The following SCAPER variants were observed in gnomAD, a reference collection of about 807,000 sequenced individuals.
The protein encoded by SCAPER is S-phase cyclin A associated protein in the ER.
In SCAPER, 98 loss-of-function variants were observed where a neutral mutation model predicts 182.2. That is an observed-to-expected ratio of 0.54 (90% confidence interval 0.46 to 0.64). The LOEUF (loss-of-function observed/expected upper bound fraction) is 0.64, where lower values mean the gene tolerates loss of function less well. Ranked by LOEUF, SCAPER falls within the 30% of genes least tolerant of loss-of-function variation. The probability of loss-of-function intolerance (pLI) is 0.00; values close to 1 mark genes in which losing one functional copy is unlikely to be tolerated. For synonymous variants in SCAPER, 605 were observed against 564.6 expected, an observed-to-expected ratio of 1.07 and a Z score of -1.01; for missense variants, 1,432 against 1,690.0, an observed-to-expected ratio of 0.85 and a Z score of 2.68.
intron 23 of SCAPER, among the ~76,000 whole-genome samples, chr15:76,537,789 A>G (rs1307001390): frequency 4.6e-5 from 7 of 152,112 alleles, no homozygotes; most frequent in Non-Finnish European, 8.8e-5. Context: ...GCAACCTACA[A>G]AATGGGAGAA....
chr15:76,740,976 A>C (rs2151109936), intron 15 of SCAPER, among the ~76,000 whole-genome samples: 1 of 152,280 alleles, frequency 6.6e-6, no homozygotes, highest in Non-Finnish European at 1.5e-5. Flanking sequence ...AATTAAAATG[A>C]AATTGAATAA....
In SCAPER at chr15:76,364,044, G is replaced by A. The variant is rs1286072190; in HGVS notation, c.3856-9904C>T. ...ACCTTGCTTAATCTGATACCTTGGG[G>A]TTAGGGTAGGGAGGGTACAGAAGTG... On this transcript the variant is annotated intron_variant, in intron 29 of 31. Transcript: ENST00000563290. Among the ~76,000 whole-genome samples, 13 of 152,182 alleles carry A rather than the reference G, an allele frequency of 8.5e-5. 1 individual carries two copies. The highest frequency in any genetic ancestry group is 8.5e-4 in the Admixed American group (13 of 15,274).
At chr15:76,711,177 A>G (rs2059542304) in intron 17 of SCAPER, among the ~76,000 whole-genome samples, 1 of 152,206 alleles carries the variant, frequency 6.6e-6, no homozygotes, top group South Asian at 2.1e-4. Context: ...ACCATTGTAT[A>G]TAAAATGAAA....
chr15:76,566,253 A>G (rs1325923159), intron 23 of SCAPER, among the ~76,000 whole-genome samples: 1 of 152,154 alleles, frequency 6.6e-6, no homozygotes, highest in Non-Finnish European at 1.5e-5. Flanking sequence ...GGAATTTTAC[A>G]AGATAAGTTT....
chr15:76,357,459 CAG>C (rs1434299384), intron 29 of SCAPER, among the ~76,000 whole-genome samples: 1 of 152,118 alleles, frequency 6.6e-6, no homozygotes, highest in Non-Finnish European at 1.5e-5. Context: ...CAAAGAATAA[CAG>C]ATGTTGGCGA....
chr15:76,464,824 A>G (rs1276763725), intron 25 of SCAPER, among the ~76,000 whole-genome samples: 1 of 152,152 alleles, frequency 6.6e-6, no homozygotes, highest in African/African-American at 2.4e-5. Context: ...AGGAACTTCC[A>G]TACTTTTTTC....
chr15:76,791,777 A>G (rs2065021055), intron 8 of SCAPER, among the ~76,000 whole-genome samples: 1 of 152,088 alleles, frequency 6.6e-6, no homozygotes, highest in African/African-American at 2.4e-5. Flanking sequence ...AAAAATTTTA[A>G]ATTCAGGAAT....
chr15:76,647,937 C>T (rs2054678836), intron 21 of SCAPER, among the ~76,000 whole-genome samples: 1 of 151,992 alleles, frequency 6.6e-6, no homozygotes, highest in Admixed American at 6.6e-5. Flanking sequence ...GAGACAAAAG[C>T]AAACGTACAA....
At chr15:76,445,591 T>C (rs1244515196) in intron 25 of SCAPER, among the ~76,000 whole-genome samples, 2 of 152,094 alleles carry the variant, frequency 1.3e-5, no homozygotes, top group Non-Finnish European at 2.9e-5. Context: ...GGAGATGGCA[T>C]GTTACTGATA....
At chr15:76,542,818 G>C (rs1050615303) in intron 23 of SCAPER, among the ~76,000 whole-genome samples, 1 of 151,958 alleles carries the variant, frequency 6.6e-6, no homozygotes, top group Non-Finnish European at 1.5e-5. Context: ...CCTTTGTACG[G>C]TGCCAAGTAT....
intron 21 of SCAPER, among the ~76,000 whole-genome samples, chr15:76,639,142 A>G (rs553075409): frequency 6.6e-6 from 1 of 152,200 alleles, no homozygotes; most frequent in Non-Finnish European, 1.5e-5. Flanking sequence ...ACATACTGAA[A>G]TTTCACTTTT....
At chr15:76,383,562 G>A (rs1026609225) in intron 27 of SCAPER, among the ~76,000 whole-genome samples, 24 of 152,236 alleles carry the variant, frequency 1.6e-4, no homozygotes, top group African/African-American at 5.5e-4. Flanking sequence ...GATCTGCCAA[G>A]TACATTCATA....
At chr15:76,857,175 A>G (rs1166530346) in intron 4 of SCAPER, among the ~76,000 whole-genome samples, 3 of 152,122 alleles carry the variant, frequency 2.0e-5, no homozygotes, top group African/African-American at 7.2e-5. Flanking sequence ...GTTCATGCCT[A>G]TAACCCCAGC....
chr15:76,668,181 T>C (rs1246523760), intron 20 of SCAPER, among the ~76,000 whole-genome samples: 6 of 152,186 alleles, frequency 3.9e-5, no homozygotes, highest in Non-Finnish European at 8.8e-5. Flanking sequence ...TCTCTTTTCA[T>C]ATATATCCCC....
intron 25 of SCAPER, among the ~76,000 whole-genome samples, chr15:76,450,834 A>G (rs999781811): frequency 6.6e-6 from 1 of 152,224 alleles, no homozygotes; most frequent in Non-Finnish European, 1.5e-5. Flanking sequence ...GATTACATGC[A>G]TGAGCCACTG....
chr15:76,745,543 C>A (rs1429907137), intron 15 of SCAPER, among the ~76,000 whole-genome samples: 4 of 152,072 alleles, frequency 2.6e-5, no homozygotes, highest in African/African-American at 9.7e-5. Flanking sequence ...AACAAACCTG[C>A]ACATGTACCC....
chr15:76,654,343 G>C (rs1443626292), intron 21 of SCAPER, among the ~76,000 whole-genome samples: 2 of 151,782 alleles, frequency 1.3e-5, no homozygotes, highest in Admixed American at 6.6e-5. Flanking sequence ...GGGAGGCGGA[G>C]CTTGCAGTGA....
chr15:76,714,843 A>G (rs1257131766), intron 17 of SCAPER, among the ~76,000 whole-genome samples: 2 of 152,190 alleles, frequency 1.3e-5, no homozygotes, highest in South Asian at 4.1e-4. Context: ...ATTGAAGTGG[A>G]GCTTATCCCA....
At chr15:76,836,203 C>T (rs2068936772) in intron 5 of SCAPER, among the ~76,000 whole-genome samples, 1 of 152,050 alleles carries the variant, frequency 6.6e-6, no homozygotes, top group Non-Finnish European at 1.5e-5. Flanking sequence ...TCATTTTTCA[C>T]AGAATTCAAA....
Sources: allele counts gnomAD v4.1 joint callset (sites outside exome capture counted in the v4.1 genomes callset), GRCh38; gene constraint gnomAD v4.1.1; transcripts MANE v1.5; gene names NCBI Gene and HGNC (gene_info 2026-07-23, HGNC 2026-07-21).